COLEC10: variants seen among roughly 807,000 people sequenced by gnomAD.
The protein encoded by COLEC10 is collectin subfamily member 10.
COLEC10 carries 22 observed loss-of-function variants against 28.4 expected under a neutral mutation model. The ratio of observed to expected loss-of-function variants is 0.78; its 90% CI spans 0.55 to 1.11. The LOEUF is 1.11. Ranked by LOEUF, COLEC10 falls within the 50% of genes least tolerant of loss-of-function variation. COLEC10 has a pLI of 0.00. For synonymous variants in COLEC10, 125 were observed against 116.1 expected, an observed-to-expected ratio of 1.08 and a Z score of -0.49; for missense variants, 361 against 344.1, an observed-to-expected ratio of 1.05 and a Z score of -0.39.
At chr8:119,054,664 C>T (rs370356084) in intron 2 of COLEC10, among the ~76,000 whole-genome samples, 3 of 152,172 alleles carry the variant, frequency 2.0e-5, no homozygotes, top group East Asian at 3.9e-4. Flanking sequence ...TTCTTGCTTC[C>T]ATTTTCTGTG....
intron 1 of COLEC10, among the ~76,000 whole-genome samples, chr8:119,084,522 T>C (rs1815431746): frequency 6.6e-6 from 1 of 152,368 alleles, no homozygotes; most frequent in Non-Finnish European, 1.5e-5. Flanking sequence ...TGTCTACTTC[T>C]CTTCTAACTA....
the COLEC10 span, among the ~76,000 whole-genome samples, chr8:118,977,606 G>C: frequency 3.4e-5 from 4 of 119,368 alleles, no homozygotes; most frequent in South Asian, 3.0e-4. Flanking sequence ...GTTGTGGGGT[G>C]GGGGGAGGGG....
At chr8:119,088,128 AAGAG>A (rs369113589) in intron 1 of COLEC10, among the ~76,000 whole-genome samples, 37 of 151,996 alleles carry the variant, frequency 2.4e-4, no homozygotes, top group African/African-American at 8.9e-4. Flanking sequence ...CACTGTCAGA[AAGAG>A]AGAAAAAGAG....
At chr8:119,078,818 C>G (rs1267988360) in intron 1 of COLEC10, among the ~76,000 whole-genome samples, 1 of 151,634 alleles carries the variant, frequency 6.6e-6, no homozygotes, top group African/African-American at 2.4e-5. Flanking sequence ...ACTGCAATTA[C>G]TTTAACACCA....
At chr8:118,952,667 G>C in the COLEC10 span, among the ~76,000 whole-genome samples, 7 of 152,162 alleles carry the variant, frequency 4.6e-5, no homozygotes, top group African/African-American at 1.7e-4. Context: ...ATAACCTTGC[G>C]GAGCACTGTT....
chr8:119,079,268 G>A (rs1337296322), intron 1 of COLEC10, among the ~76,000 whole-genome samples: 1 of 152,110 alleles, frequency 6.6e-6, no homozygotes, highest in Non-Finnish European at 1.5e-5. Flanking sequence ...ACTGCTCACA[G>A]CAACCCTGTG....
chr8:119,088,203 G>A (rs1815520445), intron 1 of COLEC10, among the ~76,000 whole-genome samples: 1 of 151,008 alleles, frequency 6.6e-6, no homozygotes, highest in Admixed American at 6.6e-5. Context: ...GAAGGAGGGA[G>A]GGAGGGAAAG....
chr8:119,088,737 G>A (rs1036730277), intron 1 of COLEC10, among the ~76,000 whole-genome samples: 14 of 152,120 alleles, frequency 9.2e-5, no homozygotes, highest in Admixed American at 2.6e-4. Context: ...TTGTTGATCC[G>A]AAAACAACTG....
chr8:118,953,058 C>G, the COLEC10 span, among the ~76,000 whole-genome samples: 6 of 152,156 alleles, frequency 3.9e-5, no homozygotes, highest in Non-Finnish European at 8.8e-5. Context: ...GGAGAGGGGA[C>G]CCCTGGGGAG....
intron 2 of COLEC10, among the ~76,000 whole-genome samples, chr8:119,053,441 C>T (rs761269320): frequency 4.6e-5 from 7 of 152,030 alleles, no homozygotes; most frequent in African/African-American, 9.7e-5. Context: ...CTTGAGTACC[C>T]GAAGGTGTCT....
intron 2 of COLEC10, among the ~76,000 whole-genome samples, chr8:119,037,253 G>A (rs922477616): frequency 6.6e-6 from 1 of 152,038 alleles, no homozygotes; most frequent in African/African-American, 2.4e-5. Context: ...ATTCTATTTT[G>A]TAAGCTGTCT....
the COLEC10 span, among the ~76,000 whole-genome samples, chr8:118,972,988 G>T: frequency 6.6e-6 from 1 of 152,054 alleles, no homozygotes; most frequent in East Asian, 2.0e-4. Flanking sequence ...GATCTCTTGA[G>T]AACTCACTAT....
chr8:119,020,028 T>C (rs1814065235), intron 2 of COLEC10, among the ~76,000 whole-genome samples: 1 of 152,216 alleles, frequency 6.6e-6, no homozygotes, highest in African/African-American at 2.4e-5. Flanking sequence ...TCGTCTCCTC[T>C]TTGAAGTTCT....
chr8:119,021,125 T>A (rs1814083460), intron 2 of COLEC10, among the ~76,000 whole-genome samples: 1 of 152,146 alleles, frequency 6.6e-6, no homozygotes, highest in African/African-American at 2.4e-5. Context: ...ACCAATAAAA[T>A]TCTGAGAGAG....
intron 1 of COLEC10, among the ~76,000 whole-genome samples, chr8:119,077,048 A>G (rs1442553684): frequency 2.0e-5 from 3 of 152,150 alleles, no homozygotes; most frequent in African/African-American, 7.2e-5. Flanking sequence ...AAGCTGGACA[A>G]TGTCACCAAT....
At chr8:119,021,759 C>T (rs10505351) in intron 2 of COLEC10, among the ~76,000 whole-genome samples, 88,720 of 151,958 alleles carry the variant, frequency 0.58, 26,576 homozygotes, top group African/African-American at 0.72. Flanking sequence ...AAAAAGATGA[C>T]CAGAGTCAAA....
At chr8:119,028,299 G>A (rs6469803) in intron 2 of COLEC10, among the ~76,000 whole-genome samples, 100,359 of 152,080 alleles carry the variant, frequency 0.66, 34,559 homozygotes, top group African/African-American at 0.86. Context: ...AGACTTTTGG[G>A]AAAAGTGAAT....
At chr8:119,090,822 A>G (rs1815576001) in intron 2 of COLEC10, among the ~76,000 whole-genome samples, 1 of 152,164 alleles carries the variant, frequency 6.6e-6, no homozygotes, top group Non-Finnish European at 1.5e-5. Context: ...GAAGAACAAA[A>G]CCAGAATCGA....
At chr8:119,075,655 C>G (rs1000325460) in intron 1 of COLEC10, among the ~76,000 whole-genome samples, 5 of 152,106 alleles carry the variant, frequency 3.3e-5, no homozygotes, top group African/African-American at 1.2e-4. Flanking sequence ...TTAGGCTCAA[C>G]TGACACCTAT....
Sources: gnomAD v4.1 joint callset for allele counts (sites outside exome capture counted in the v4.1 genomes callset) on GRCh38, gnomAD v4.1.1 for gene constraint, MANE v1.5 for transcripts, NCBI Gene and HGNC (gene_info 2026-07-23, HGNC 2026-07-21) for gene names.